Variants in XRCC5 observed in about 807,000 individuals in gnomAD.
XRCC5 encodes the protein X-ray repair cross complementing 5.
A neutral mutation model predicts 95.7 loss-of-function variants in XRCC5; 12 were observed. That is an observed-to-expected ratio of 0.13 (90% CI 0.08 to 0.20). XRCC5 has a LOEUF of 0.20. Ranked by LOEUF, XRCC5 falls within the 10% of genes least tolerant of loss-of-function variation. XRCC5 has a pLI of 1.00. For synonymous variants in XRCC5, 281 were observed against 290.3 expected (o/e 0.97, Z 0.33); for missense variants, 595 against 873.9 (o/e 0.68, Z 4.02).
intron 11 of XRCC5, among the ~76,000 whole-genome samples, 153 bp from the exon 12 acceptor site, chr2:216,137,936 G>A (rs1409962778): frequency 6.6e-6 from 1 of 152,180 alleles, no homozygotes; most frequent in Non-Finnish European, 1.5e-5. Flanking sequence ...GCCAGTAGCA[G>A]AAGTCAAAAC....
intron 19 of XRCC5, among the ~76,000 whole-genome samples, chr2:216,196,497 CAT>C (rs1689723235): frequency 6.6e-6 from 1 of 152,102 alleles, no homozygotes; most frequent in Non-Finnish European, 1.5e-5. Context: ...AGAGAACGTA[CAT>C]GTGTGCGTGT....
In XRCC5 at chr2:216,116,744, A is replaced by G; in HGVS notation, c.221A>G (p.Tyr74Cys). The change falls in exon 3 of 21, where the codon TAT (tyrosine) becomes TGT (cysteine). Residue 74 changes from tyrosine (Y) to cysteine (C), a missense_variant. By Grantham distance (194) the Tyr-to-Cys change is radical (BLOSUM62 -2). This residue lies in a region of XRCC5 where 286 missense variants were observed against 491.1 expected (regional missense o/e 0.58). Coordinates refer to ENST00000392132, the MANE Select transcript of XRCC5 (RefSeq NM_021141.4). The stretch of plus-strand genomic sequence containing the variant: ...AATCCCCTTTCTGGTGGGGATCAGT[A>G]TCAGAACATCACAGTGCACAGACAT... Reference protein sequence around the residue: ...TDNPLSGGDQYQNITVHRHLM... With the variant: ...TDNPLSGGDQCQNITVHRHLM... 6.2e-7 allele frequency: 1 copy of G among 1,614,250 alleles called. No homozygotes were observed. The highest frequency in any genetic ancestry group is 8.5e-7 in the Non-Finnish European group (1 of 1,180,038).
intron 2 of XRCC5, among the ~76,000 whole-genome samples, chr2:216,113,336 A>G (rs1413077965): frequency 6.6e-6 from 1 of 152,180 alleles, no homozygotes; most frequent in Non-Finnish European, 1.5e-5. Context: ...CCCCTTCACT[A>G]GATATTACAG....
At position 216,139,495 on chromosome 2, in the gene XRCC5, C is replaced by G. The variant is rs559898329; in HGVS notation, c.1342+1316C>G. Among the ~76,000 whole-genome samples, 117 of 152,194 alleles carry G rather than the reference C, an allele frequency of 7.7e-4. 1 individual carries two copies. The highest frequency in any genetic ancestry group is 2.3e-3 in the African/African-American group (97 of 41,538). On this transcript the variant is annotated intron_variant, in intron 12 of 20. Coordinates refer to ENST00000392132, the MANE Select transcript of XRCC5 (RefSeq NM_021141.4). ...ATCATGAGAATAGCACAAGAAAGAC[C>G]AGCCCCTCTGATTCATTTACCTCCC... is the stretch of plus-strand genomic sequence containing the variant.
rs142109928 is a variant in XRCC5, at chr2:216,155,476, T to C, written c.1671-4592T>C. Reference sequence around the variant, plus strand: ...AACATTGGCAAATATTTTTAAACATTAGATGATACCAGTTGTTGGTGAGAA... The same window carrying C: ...AACATTGGCAAATATTTTTAAACATCAGATGATACCAGTTGTTGGTGAGAA... On this transcript the variant is annotated intron_variant, in intron 14 of 20. Transcript: ENST00000392132. 5.0e-4 allele frequency among the ~76,000 whole-genome samples: 76 copies of C among 152,192 alleles called. 1 individual carries two copies. The highest frequency in any genetic ancestry group is 1.7e-3 in the African/African-American group (71 of 41,528).
chr2:216,187,431 G>T, intron 16 of XRCC5, among the ~76,000 whole-genome samples: 1 of 129,504 alleles, frequency 7.7e-6, no homozygotes, highest in Non-Finnish European at 1.7e-5. Context: ...ATTTATTTTT[G>T]TTTCTTTTGA....
At chr2:216,152,550 T>G (rs1216605234) in intron 14 of XRCC5, among the ~76,000 whole-genome samples, 1 of 152,134 alleles carries the variant, frequency 6.6e-6, no homozygotes, top group Non-Finnish European at 1.5e-5. Flanking sequence ...TGTTTTTGCA[T>G]GTACCTCCCT....
chr2:216,141,036 G>T, intron 12 of XRCC5, 150 bp from the exon 13 acceptor site: 1 of 813,076 alleles, frequency 1.2e-6, no homozygotes, highest in Non-Finnish European at 1.8e-6. Context: ...CCAAGACTTG[G>T]GTTAAATACG....
intron 16 of XRCC5, 111 bp downstream of exon 16, chr2:216,162,159 C>T (rs1322371989): frequency 4.9e-6 from 5 of 1,025,846 alleles, no homozygotes; most frequent in Non-Finnish European, 7.5e-6. Flanking sequence ...TTTTTCTTTA[C>T]TGGCGGATCT....
intron 16 of XRCC5, among the ~76,000 whole-genome samples, chr2:216,169,374 A>C (rs1224929894): frequency 6.6e-6 from 1 of 152,186 alleles, no homozygotes; most frequent in African/African-American, 2.4e-5. Context: ...TCTTTGTAAA[A>C]CCCACTAGAA....
chr2:216,139,732 T>A (rs935090855), intron 12 of XRCC5, among the ~76,000 whole-genome samples: 1 of 152,170 alleles, frequency 6.6e-6, no homozygotes, highest in African/African-American at 2.4e-5. Context: ...GGTCTTAAAC[T>A]CCTGGGTTCA....
At chr2:216,156,845 AGCAGTGGGTGCC>A (rs1257289191) in intron 14 of XRCC5, 1 of 394,306 alleles carries the variant, frequency 2.5e-6, no homozygotes, top group African/African-American at 2.1e-5. Context: ...CCAGACTGCC[AGCAGTGGGTGCC>A]GCAAATGCTG....
At chr2:216,161,380 A>G (rs1314890997) in intron 15 of XRCC5, among the ~76,000 whole-genome samples, 1 of 152,214 alleles carries the variant, frequency 6.6e-6, no homozygotes, top group African/African-American at 2.4e-5. Context: ...TCCATATAAT[A>G]TGGCAGTTTC....
rs1050712955 is a variant in XRCC5, at chr2:216,151,599, G to A, written c.1670+3323G>A. Among the ~76,000 whole-genome samples the A allele has an allele frequency of 1.1e-3, 167 of 152,126 alleles. 1 individual carries two copies. Among genetic ancestry groups the A allele is most frequent in the Admixed American group, 0.011 (167 of 15,264 alleles). ...CTCTCAAAGCCTCAGTTTCCTCATG[G>A]GTAAAATAGGGATAATAGGAATATC... On this transcript the variant is annotated intron_variant, in intron 14 of 20. Transcript: ENST00000392132.
intron 16 of XRCC5, among the ~76,000 whole-genome samples, chr2:216,187,125 A>G (rs533308420): frequency 1.6e-4 from 24 of 152,320 alleles, no homozygotes; most frequent in African/African-American, 5.8e-4. Context: ...AAGCCACGTA[A>G]CTGAGTATTC....
chr2:216,166,207 A>G (rs1038801683), intron 16 of XRCC5, among the ~76,000 whole-genome samples: 8 of 151,848 alleles, frequency 5.3e-5, no homozygotes, highest in African/African-American at 1.5e-4. Context: ...TGCAGCCTCT[A>G]CCTCCTGGGC....
chr2:216,153,478 AGATT>A (rs1468822468), intron 14 of XRCC5, among the ~76,000 whole-genome samples: 1 of 152,242 alleles, frequency 6.6e-6, no homozygotes, highest in African/African-American at 2.4e-5. Flanking sequence ...AGGGTTCCAA[AGATT>A]GATATCAAGG....
At position 216,204,385 on chromosome 2, in the gene XRCC5, G is replaced by C; in HGVS notation, c.2173G>C (p.Val725Leu). The change falls in exon 20 of 21, where the codon GTG becomes CTG. Residue 725 changes from valine (V) to leucine (L), a missense_variant. Coordinates refer to ENST00000392132, the MANE Select transcript of XRCC5 (RefSeq NM_021141.4). ...AGCTGTATTTGAAGAAGGTGGTGAT[G>C]TGGACGATTTAGTAAGTACTTTTAA... is the stretch of plus-strand genomic sequence containing the variant. Reference protein sequence around the residue: ...TAAVFEEGGDVDDLLDMI With the variant: ...TAAVFEEGGDLDDLLDMI The C allele has an allele frequency of 6.2e-7, 1 of 1,613,958 alleles. No individual in the cohort carries two copies. Among genetic ancestry groups the C allele is most frequent in the Non-Finnish European group, 8.5e-7 (1 of 1,179,838 alleles).
At chr2:216,189,051 T>C (rs1366364121) in intron 16 of XRCC5, among the ~76,000 whole-genome samples, 1 of 152,280 alleles carries the variant, frequency 6.6e-6, no homozygotes, top group Non-Finnish European at 1.5e-5. Flanking sequence ...ACATGCTGTA[T>C]GGTCCTTAGG....
Sources: gnomAD v4.1 joint callset for allele counts (sites outside exome capture counted in the v4.1 genomes callset) on GRCh38, gnomAD v4.1.1 for gene constraint, gnomAD v4.1.1 regional missense constraint, MANE v1.5 for transcripts, NCBI Gene and HGNC (gene_info 2026-07-23, HGNC 2026-07-21) for gene names.